Variants in GSE1 observed in about 807,000 individuals in gnomAD.
GSE1 encodes genetic suppressor element 1.
In GSE1, 32 loss-of-function variants were observed where a neutral mutation model predicts 112.6. That is an observed-to-expected ratio of 0.28 (90% CI 0.21 to 0.38). The LOEUF is 0.38. Among genes scored for constraint, GSE1 ranks in the 10% least tolerant of loss-of-function variants. GSE1 has a pLI of 1.00. For missense variants in GSE1, 2,348 were observed against 1,699.2 expected (o/e 1.38, Z -6.71); for synonymous variants, 1,115 against 735.6 (o/e 1.52, Z -8.35).
chr16:85,662,905 CAT>C (rs1263905800), intron 9 of GSE1, 74 bp from the exon 10 acceptor site: 13 of 1,026,306 alleles, frequency 1.3e-5, no homozygotes, highest in Admixed American at 3.5e-5. Flanking sequence ...GCTCTGCACA[CAT>C]GAGGCCCTGC....
chr16:85,344,542 C>A (rs1019060508), intron 1 of GSE1, among the ~76,000 whole-genome samples: 1 of 152,218 alleles, frequency 6.6e-6, no homozygotes, highest in Non-Finnish European at 1.5e-5. Context: ...ATGTGTGAAG[C>A]GCAGGGCTGC....
intron 2 of GSE1, among the ~76,000 whole-genome samples, chr16:85,540,965 C>T (rs558468139): frequency 6.6e-6 from 1 of 152,108 alleles, no homozygotes; most frequent in South Asian, 2.1e-4. Flanking sequence ...TTTTACTGGC[C>T]ATTATGAGAC....
chr16:85,272,182 C>T (rs114164719), intron 1 of GSE1, among the ~76,000 whole-genome samples: 151 of 152,330 alleles, frequency 9.9e-4, no homozygotes, highest in African/African-American at 3.5e-3. Context: ...TAACAGGCTC[C>T]GCTTTGGATG....
intron 2 of GSE1, among the ~76,000 whole-genome samples, chr16:85,530,754 A>G (rs2044110526): frequency 6.6e-6 from 1 of 152,248 alleles, no homozygotes; most frequent in African/African-American, 2.4e-5. Flanking sequence ...ACAGGAAACA[A>G]TTACAGCCTG....
At chr16:85,245,618 G>A (rs1352381863) in intron 1 of GSE1, among the ~76,000 whole-genome samples, 4 of 152,120 alleles carry the variant, frequency 2.6e-5, no homozygotes, top group African/African-American at 7.2e-5. Flanking sequence ...GTTGAAAAGC[G>A]GTTACATTAA....
chr16:85,649,570 G>A (rs1026611345), intron 3 of GSE1, among the ~76,000 whole-genome samples: 10 of 152,152 alleles, frequency 6.6e-5, no homozygotes, highest in African/African-American at 2.4e-4. Flanking sequence ...GCTGGCACTG[G>A]GAGCTGCTCT....
intron 2 of GSE1, among the ~76,000 whole-genome samples, chr16:85,646,757 G>C (rs1032769310): frequency 3.9e-5 from 6 of 152,134 alleles, no homozygotes; most frequent in African/African-American, 1.4e-4. Context: ...CACCCCCTGG[G>C]CTTCGTCAGG....
intron 2 of GSE1, among the ~76,000 whole-genome samples, chr16:85,464,209 G>A (rs2050060415): frequency 6.6e-6 from 1 of 152,112 alleles, no homozygotes; most frequent in Non-Finnish European, 1.5e-5. Context: ...AAAACTCAGG[G>A]GGAGAAAGAG....
chr16:85,284,394 G>A (rs919432198), intron 1 of GSE1, among the ~76,000 whole-genome samples: 3 of 152,186 alleles, frequency 2.0e-5, no homozygotes, highest in African/African-American at 4.8e-5. Context: ...CCATCTGCTC[G>A]GCGAGGACTC....
chr16:85,431,573 C>T (rs539617955), intron 2 of GSE1, among the ~76,000 whole-genome samples: 8 of 152,316 alleles, frequency 5.3e-5, no homozygotes, highest in South Asian at 4.1e-4. Flanking sequence ...AAGTCGCCTC[C>T]GGGGTGGTGG....
intron 2 of GSE1, among the ~76,000 whole-genome samples, chr16:85,546,715 T>A (rs2044714378): frequency 6.6e-6 from 1 of 152,186 alleles, no homozygotes; most frequent in Admixed American, 6.5e-5. Flanking sequence ...TCCCACATTC[T>A]CTTGGCCAGA....
intron 2 of GSE1, among the ~76,000 whole-genome samples, chr16:85,375,329 C>T (rs1025754773): frequency 6.6e-6 from 1 of 152,166 alleles, no homozygotes; most frequent in African/African-American, 2.4e-5. Flanking sequence ...CCTCACCTCC[C>T]CCAGGTGAGG....
chr16:85,596,839 C>T (rs1479307112), intron 1 of GSE1, among the ~76,000 whole-genome samples: 14 of 152,114 alleles, frequency 9.2e-5, no homozygotes, highest in Non-Finnish European at 2.9e-5. Context: ...ACTTCGAGAT[C>T]AGCCTGGCCA....
chr16:85,652,090 C>T (rs534224198), intron 3 of GSE1, among the ~76,000 whole-genome samples: 8 of 152,240 alleles, frequency 5.3e-5, no homozygotes, highest in Non-Finnish European at 1.0e-4. Context: ...CTGCCATGTC[C>T]GGGCCCCCAC....
At chr16:85,353,402 T>C (rs906662774) in intron 1 of GSE1, among the ~76,000 whole-genome samples, 2 of 152,264 alleles carry the variant, frequency 1.3e-5, no homozygotes, top group African/African-American at 2.4e-5. Flanking sequence ...GGTAACCCTA[T>C]GTTAGACCGT....
At chr16:85,317,182 G>T (rs1454256563) in intron 1 of GSE1, among the ~76,000 whole-genome samples, 1 of 152,222 alleles carries the variant, frequency 6.6e-6, no homozygotes, top group Non-Finnish European at 1.5e-5. Context: ...CGGGGCCTTT[G>T]TCTGGTTGTA....
chr16:85,477,920 C>T (rs2050511468), intron 2 of GSE1, among the ~76,000 whole-genome samples: 1 of 152,090 alleles, frequency 6.6e-6, no homozygotes, highest in Non-Finnish European at 1.5e-5. Flanking sequence ...TGCATTTCAC[C>T]CTTTTCAAGT....
chr16:85,637,167 G>A (rs989478951), intron 2 of GSE1, among the ~76,000 whole-genome samples: 8 of 152,188 alleles, frequency 5.3e-5, no homozygotes, highest in African/African-American at 9.6e-5. Context: ...TGCATTTGCC[G>A]TCAGCTCCCA....
At chr16:85,657,198 A>G (rs1178293850) in intron 7 of GSE1, 79 bp from the exon 8 acceptor site, 5 of 981,422 alleles carry the variant, frequency 5.1e-6, no homozygotes, top group Admixed American at 5.2e-5. Flanking sequence ...TTCTCTGGGC[A>G]GTTGGGTGAG....
Sources: gnomAD v4.1 joint callset for allele counts (sites outside exome capture counted in the v4.1 genomes callset) on GRCh38, gnomAD v4.1.1 for gene constraint, MANE v1.5 for transcripts, NCBI Gene and HGNC (gene_info 2026-07-23, HGNC 2026-07-21) for gene names.